The following C8orf34 variants were observed in gnomAD, a reference collection of about 807,000 sequenced individuals.
The protein encoded by C8orf34 is chromosome 8 open reading frame 34.
A neutral mutation model predicts 68.3 loss-of-function variants in C8orf34; 65 were observed. That is an observed-to-expected ratio of 0.95 (90% CI 0.78 to 1.17). The LOEUF (loss-of-function observed/expected upper bound fraction) is 1.17. Ranked by LOEUF, C8orf34 falls within the 50% of genes most tolerant of loss-of-function variation. C8orf34 has a pLI of 0.00. For missense variants in C8orf34, 664 were observed against 655.4 expected (o/e 1.01, Z -0.14); for synonymous variants, 244 against 241.2 (o/e 1.01, Z -0.11).
At chr8:68,597,243 C>T (rs979650172) in intron 7 of C8orf34, among the ~76,000 whole-genome samples, 6 of 151,980 alleles carry the variant, frequency 3.9e-5, no homozygotes, top group Non-Finnish European at 1.5e-5. Context: ...AAGATGACAC[C>T]AAGAGTCACC....
Position 68,418,810 on chromosome 8 carries a change from C to T in C8orf34, c.328-20689C>T, listed in dbSNP as rs1216890312. Among the ~76,000 whole-genome samples, 3 of 152,020 alleles carry T rather than the reference C, an allele frequency of 2.0e-5. No homozygotes were observed. In the East Asian group the frequency reaches 5.8e-4, roughly 29 times the overall value. On this transcript the variant is annotated intron_variant, in intron 1 of 13. Transcript: ENST00000518698. ...AAGTTGAAACTGGATCCCTTCCTTA[C>T]ACCTTATACAAAAATCAGTTCAAGA...
chr8:68,332,768 G>GT (rs1421271667), intron 1 of C8orf34, among the ~76,000 whole-genome samples: 1 of 152,142 alleles, frequency 6.6e-6, no homozygotes, highest in Non-Finnish European at 1.5e-5. Flanking sequence ...AGCTCGCATT[G>GT]TGGGGTGCAG....
intron 1 of C8orf34, among the ~76,000 whole-genome samples, chr8:68,367,911 A>AG (rs1807363785): frequency 1.2e-5 from 1 of 86,342 alleles, no homozygotes; most frequent in Non-Finnish European, 2.3e-5. Context: ...AAAAAAGAAA[A>AG]GAAAAAAAAA....
intron 1 of C8orf34, among the ~76,000 whole-genome samples, chr8:68,339,862 A>G (rs936311898): frequency 2.6e-5 from 4 of 152,080 alleles, no homozygotes; most frequent in African/African-American, 9.6e-5. Context: ...CAAACCAAAG[A>G]TAGACTATAT....
chr8:68,681,592 A>C (rs1820373601), intron 8 of C8orf34, among the ~76,000 whole-genome samples: 1 of 152,210 alleles, frequency 6.6e-6, no homozygotes, highest in South Asian at 2.1e-4. Context: ...CACTATGGAG[A>C]ACAGTTTGGA....
intron 10 of C8orf34, among the ~76,000 whole-genome samples, chr8:68,748,849 A>G (rs1420089168): frequency 6.6e-6 from 1 of 152,214 alleles, no homozygotes; most frequent in Non-Finnish European, 1.5e-5. Flanking sequence ...GGGATCTAGA[A>G]CTAGAAATAC....
chr8:68,364,753 G>C (rs1254966078), intron 1 of C8orf34, among the ~76,000 whole-genome samples: 1 of 142,040 alleles, frequency 7.0e-6, no homozygotes, highest in African/African-American at 2.6e-5. Flanking sequence ...GCAGTGTGTA[G>C]AGGGAAATTT....
At chr8:68,483,599 A>G (rs1812952139) in intron 4 of C8orf34, among the ~76,000 whole-genome samples, 1 of 152,222 alleles carries the variant, frequency 6.6e-6, no homozygotes, top group South Asian at 2.1e-4. Flanking sequence ...TAATAGATAA[A>G]TGGGAAATCT....
intron 3 of C8orf34, among the ~76,000 whole-genome samples, chr8:68,457,406 ATT>A (rs1304923631): frequency 2.0e-5 from 3 of 152,194 alleles, no homozygotes; most frequent in Non-Finnish European, 4.4e-5. Flanking sequence ...TTCCTGGCAT[ATT>A]TAAAACGAAA....
At chr8:68,729,773 A>G (rs1043444925) in intron 10 of C8orf34, among the ~76,000 whole-genome samples, 1 of 152,168 alleles carries the variant, frequency 6.6e-6, no homozygotes, top group Non-Finnish European at 1.5e-5. Flanking sequence ...TTACCTATAC[A>G]TATTCCTGCT....
At chr8:68,514,964 C>A (rs1814442275) in intron 5 of C8orf34, among the ~76,000 whole-genome samples, 1 of 151,988 alleles carries the variant, frequency 6.6e-6, no homozygotes, top group Non-Finnish European at 1.5e-5. Context: ...ACAAAATGAA[C>A]AGGGGGGAAT....
intron 6 of C8orf34, among the ~76,000 whole-genome samples, chr8:68,529,578 G>C (rs1563510586): frequency 6.6e-6 from 1 of 152,262 alleles, no homozygotes; most frequent in East Asian, 1.9e-4. Context: ...TGAAGTATTT[G>C]ATAACAGGGT....
intron 12 of C8orf34, among the ~76,000 whole-genome samples, chr8:68,803,862 T>C (rs1437696641): frequency 6.6e-6 from 1 of 152,150 alleles, no homozygotes; most frequent in African/African-American, 2.4e-5. Flanking sequence ...TTTTGCATAT[T>C]ACATTTCACA....
intron 1 of C8orf34, among the ~76,000 whole-genome samples, chr8:68,411,727 C>T (rs2249556): frequency 0.6 from 91,762 of 152,098 alleles, 28,038 homozygotes; most frequent in African/African-American, 0.72. Flanking sequence ...ATTACATCAA[C>T]ATGTTCTTTT....
chr8:68,781,777 A>C (rs1048355079), intron 11 of C8orf34, among the ~76,000 whole-genome samples: 6 of 152,220 alleles, frequency 3.9e-5, no homozygotes, highest in African/African-American at 1.2e-4. Context: ...TATTTGTACT[A>C]TCTTTATGAT....
chr8:68,611,825 T>C (rs900731936), intron 7 of C8orf34, among the ~76,000 whole-genome samples: 7 of 152,190 alleles, frequency 4.6e-5, no homozygotes, highest in Admixed American at 3.3e-4. Context: ...CAATTGTCCA[T>C]GTACTTACAA....
intron 6 of C8orf34, among the ~76,000 whole-genome samples, chr8:68,525,134 A>T (rs1395216198): frequency 2.6e-5 from 4 of 152,182 alleles, no homozygotes; most frequent in African/African-American, 7.2e-5. Context: ...TGCTTCTAAC[A>T]TACCTGTGAA....
intron 7 of C8orf34, among the ~76,000 whole-genome samples, chr8:68,592,680 T>G (rs1412030816): frequency 6.7e-6 from 1 of 148,588 alleles, no homozygotes; most frequent in East Asian, 2.0e-4. Flanking sequence ...GTGATCTCGG[T>G]TCACTGCAAC....
At chr8:68,388,355 T>C (rs1808346681) in intron 1 of C8orf34, among the ~76,000 whole-genome samples, 1 of 152,158 alleles carries the variant, frequency 6.6e-6, no homozygotes, top group African/African-American at 2.4e-5. Flanking sequence ...CTAGAGTTCA[T>C]GAAAATTCTT....
Sources: allele counts gnomAD v4.1 joint callset (sites outside exome capture counted in the v4.1 genomes callset), GRCh38; gene constraint gnomAD v4.1.1; transcripts MANE v1.5; gene names NCBI Gene and HGNC (gene_info 2026-07-23, HGNC 2026-07-21).